BABAM2: variants seen among roughly 807,000 people sequenced by gnomAD.
The protein encoded by BABAM2 is BRISC and BRCA1-A complex member 2.
Under a neutral mutation model 54.7 loss-of-function variants are expected in BABAM2, and 31 were observed. The observed-to-expected ratio is 0.57, with a 90% CI of 0.43 to 0.77. BABAM2 has a LOEUF of 0.77. Among genes scored for constraint, BABAM2 ranks in the 30% least tolerant of loss-of-function variants. The pLI, the probability that BABAM2 is intolerant of heterozygous loss-of-function variation, is 0.00. For synonymous variants in BABAM2, 167 were observed against 162.9 expected (o/e 1.03, Z -0.19); for missense variants, 364 against 455.8 (o/e 0.80, Z 1.83).
At chr2:28,088,160 T>A (rs923668952) in intron 6 of BABAM2, among the ~76,000 whole-genome samples, 9 of 152,174 alleles carry the variant, frequency 5.9e-5, no homozygotes, top group Admixed American at 5.9e-4. Flanking sequence ...TATGGTGATA[T>A]TTTCCCTCTA....
intron 7 of BABAM2, among the ~76,000 whole-genome samples, chr2:28,155,910 A>G (rs866745647): frequency 2.0e-5 from 3 of 152,218 alleles, no homozygotes; most frequent in African/African-American, 7.2e-5. Context: ...TAGTTGTTGC[A>G]TACACGGATA....
At chr2:28,162,828 G>A (rs1673233467) in intron 7 of BABAM2, among the ~76,000 whole-genome samples, 2 of 152,150 alleles carry the variant, frequency 1.3e-5, no homozygotes, top group South Asian at 4.1e-4. Flanking sequence ...AGCAATTATA[G>A]CCACAAGTGG....
chr2:27,972,223 A>T (rs1339217976), intron 3 of BABAM2, among the ~76,000 whole-genome samples: 2 of 152,230 alleles, frequency 1.3e-5, no homozygotes, highest in African/African-American at 4.8e-5. Flanking sequence ...CCTGGAGAAG[A>T]GAAGATTAAA....
At chr2:28,116,748 T>C (rs1287603477) in intron 6 of BABAM2, among the ~76,000 whole-genome samples, 1 of 152,236 alleles carries the variant, frequency 6.6e-6, no homozygotes. Flanking sequence ...ACTAACTTAT[T>C]GAGCACCTTC....
At chr2:28,316,078 T>C (rs1689528388) in intron 11 of BABAM2, among the ~76,000 whole-genome samples, 1 of 152,120 alleles carries the variant, frequency 6.6e-6, no homozygotes, top group Non-Finnish European at 1.5e-5. Flanking sequence ...TACACTTAAA[T>C]TTCAAATAAA....
chr2:28,330,937 C>T (rs757820639), intron 11 of BABAM2, among the ~76,000 whole-genome samples: 29 of 152,136 alleles, frequency 1.9e-4, no homozygotes, highest in South Asian at 4.1e-4. Context: ...GACTTTACTA[C>T]AGTAACCAAA....
intron 3 of BABAM2, among the ~76,000 whole-genome samples, chr2:27,982,637 A>G (rs916031010): frequency 6.6e-6 from 1 of 152,074 alleles, no homozygotes; most frequent in African/African-American, 2.4e-5. Context: ...TATACTTAAC[A>G]AAATTTACCA....
chr2:28,043,579 T>C (rs547334557), intron 5 of BABAM2, among the ~76,000 whole-genome samples: 4 of 152,212 alleles, frequency 2.6e-5, no homozygotes, highest in Non-Finnish European at 5.9e-5. Context: ...TATGCTGTTA[T>C]TGTTGCCTCT....
intron 7 of BABAM2, among the ~76,000 whole-genome samples, chr2:28,197,695 A>T (rs1159624941): frequency 6.6e-6 from 1 of 152,204 alleles, no homozygotes; most frequent in Non-Finnish European, 1.5e-5. Context: ...GAGAACTTTT[A>T]AAAAAATACA....
chr2:28,292,967 T>C (rs370762837), intron 10 of BABAM2, among the ~76,000 whole-genome samples: 1 of 152,188 alleles, frequency 6.6e-6, no homozygotes. Flanking sequence ...TACTATATGG[T>C]GATAGCTTAA....
intron 6 of BABAM2, among the ~76,000 whole-genome samples, chr2:28,066,040 T>C (rs1024072914): frequency 6.7e-6 from 1 of 149,860 alleles, no homozygotes; most frequent in Non-Finnish European, 1.5e-5. Context: ...ATGCCTGTAG[T>C]CCCAGCTACT....
chr2:27,956,934 T>G (rs1670134566), intron 3 of BABAM2, among the ~76,000 whole-genome samples: 1 of 152,252 alleles, frequency 6.6e-6, no homozygotes, highest in African/African-American at 2.4e-5. Flanking sequence ...AGCAGAGCTT[T>G]TGATTCTGTC....
chr2:28,180,261 A>G, intron 7 of BABAM2, among the ~76,000 whole-genome samples: 1 of 152,186 alleles, frequency 6.6e-6, no homozygotes, highest in East Asian at 1.9e-4. Context: ...ACTGGTATGA[A>G]ACAGACACAT....
At chr2:27,956,718 A>T (rs948955388) in intron 3 of BABAM2, among the ~76,000 whole-genome samples, 1 of 152,204 alleles carries the variant, frequency 6.6e-6, no homozygotes, top group Middle Eastern at 3.2e-3. Flanking sequence ...AAAGATAATT[A>T]TGAAGGTTAT....
intron 4 of BABAM2, among the ~76,000 whole-genome samples, chr2:28,011,834 T>A (rs56046821): frequency 0.74 from 111,990 of 151,498 alleles, 42,390 homozygotes; most frequent in Middle Eastern, 0.89. Context: ...GACAGGAAAA[T>A]GTTACTATCT....
At chr2:28,328,010 C>T (rs548541807) in intron 11 of BABAM2, among the ~76,000 whole-genome samples, 4 of 152,146 alleles carry the variant, frequency 2.6e-5, no homozygotes, top group African/African-American at 4.8e-5. Context: ...AAGCTCCCAT[C>T]GTGCCAGTCA....
intron 7 of BABAM2, among the ~76,000 whole-genome samples, chr2:28,228,694 G>A (rs1474952476): frequency 6.6e-6 from 1 of 152,002 alleles, no homozygotes; most frequent in Non-Finnish European, 1.5e-5. Context: ...CCCTTTTCGT[G>A]TCTTGAGTGA....
At chr2:27,968,696 CAG>C (rs1293729498) in intron 3 of BABAM2, among the ~76,000 whole-genome samples, 1 of 152,236 alleles carries the variant, frequency 6.6e-6, no homozygotes. Context: ...TGCAAAGCCA[CAG>C]GGGTGGAGCT....
At chr2:28,196,704 CT>C (rs1677594197) in intron 7 of BABAM2, among the ~76,000 whole-genome samples, 1 of 152,008 alleles carries the variant, frequency 6.6e-6, no homozygotes, top group Admixed American at 6.6e-5. Flanking sequence ...TTTTAATTAG[CT>C]TGGCATGATG....
Sources: gnomAD v4.1 joint callset for allele counts (sites outside exome capture counted in the v4.1 genomes callset) on GRCh38, gnomAD v4.1.1 for gene constraint, MANE v1.5 for transcripts, NCBI Gene and HGNC (gene_info 2026-07-23, HGNC 2026-07-21) for gene names.